TEAD1: variants seen among roughly 807,000 people sequenced by gnomAD.
The protein encoded by TEAD1 is transcriptional enhancer factor TEF-1.
TEAD1 carries 9 observed loss-of-function variants against 54.9 expected under a neutral mutation model. The ratio of observed to expected loss-of-function variants is 0.16; its 90% CI spans 0.10 to 0.29. TEAD1 has a LOEUF of 0.29. Ranked by LOEUF, TEAD1 falls within the 10% of genes least tolerant of loss-of-function variation. The pLI, the probability that TEAD1 is intolerant of heterozygous loss-of-function variation, is 1.00. For synonymous variants in TEAD1, 200 were observed against 187.8 expected (o/e 1.07, Z -0.53); for missense variants, 387 against 535.9 (o/e 0.72, Z 2.74).
chr11:12,912,675 T>C (rs112618574), intron 10 of TEAD1, among the ~76,000 whole-genome samples: 5 of 152,272 alleles, frequency 3.3e-5, no homozygotes, highest in African/African-American at 1.2e-4. Flanking sequence ...CAGGATAGGA[T>C]AGCTTGGAAA....
chr11:12,924,086 G>C (rs369297803), intron 10 of TEAD1, among the ~76,000 whole-genome samples: 1 of 152,092 alleles, frequency 6.6e-6, no homozygotes, highest in South Asian at 2.1e-4. Context: ...CCCATAACCT[G>C]TGCCCAAGTT....
chr11:12,692,264 A>G (rs1387588824), intron 2 of TEAD1, among the ~76,000 whole-genome samples: 1 of 152,220 alleles, frequency 6.6e-6, no homozygotes, highest in Admixed American at 6.5e-5. Flanking sequence ...CTCATTTTAA[A>G]GACACGCTCT....
At chr11:12,911,655 A>T in intron 10 of TEAD1, among the ~76,000 whole-genome samples, 1 of 151,740 alleles carries the variant, frequency 6.6e-6, no homozygotes, top group East Asian at 1.9e-4. Context: ...GTTAAATTTT[A>T]AGTAGACTGT....
At chr11:12,807,117 C>T (rs1252378542) in intron 3 of TEAD1, among the ~76,000 whole-genome samples, 1 of 152,180 alleles carries the variant, frequency 6.6e-6, no homozygotes, top group Non-Finnish European at 1.5e-5. Flanking sequence ...ACAATAAAAT[C>T]CCCAAATGTG....
In TEAD1 at chr11:12,937,141, A is replaced by G. The variant is rs200380673; in HGVS notation, c.1200A>G (p.Leu400=). The stretch of plus-strand genomic sequence containing the variant: ...CAAACAGGGATACACAAGAAACTCT[A>G]CTCTGCATGGCCTGTGTGTTTGAAG... Residue 400 remains leucine (L), a synonymous_variant, in exon 13 of 13, where the codon CTA becomes CTG. Coordinates refer to ENST00000527636, the MANE Select transcript of TEAD1 (RefSeq NM_021961.6). 6.8e-6 allele frequency: 11 copies of G among 1,613,758 alleles called. No individual in the cohort carries two copies. Among genetic ancestry groups the G allele is most frequent in the African/African-American group, 1.3e-5 (1 of 74,852 alleles).
At chr11:12,705,256 A>G (rs540538491) in intron 2 of TEAD1, among the ~76,000 whole-genome samples, 7 of 152,230 alleles carry the variant, frequency 4.6e-5, no homozygotes, top group Non-Finnish European at 7.3e-5. Context: ...CCAGACCACA[A>G]GCTTTTATCT....
At chr11:12,855,948 A>T (rs1209294752) in intron 3 of TEAD1, among the ~76,000 whole-genome samples, 4 of 65,272 alleles carry the variant, frequency 6.1e-5, no homozygotes, top group Admixed American at 4.0e-4. Flanking sequence ...ACCTTGTCTT[A>T]AAAAAAAAAA....
chr11:12,930,041 A>T, intron 11 of TEAD1, 133 bp from the exon 12 acceptor site: 1 of 945,250 alleles, frequency 1.1e-6, no homozygotes, highest in South Asian at 1.5e-5. Context: ...AATTAAGTAG[A>T]TTACGTAAGT....
intron 2 of TEAD1, among the ~76,000 whole-genome samples, chr11:12,676,586 C>T (rs2133804289): frequency 6.6e-6 from 1 of 152,250 alleles, no homozygotes; most frequent in East Asian, 1.9e-4. Flanking sequence ...AATCCAACTT[C>T]CTTAGGAATC....
intron 5 of TEAD1, among the ~76,000 whole-genome samples, chr11:12,869,455 A>G (rs1461046310): frequency 6.6e-6 from 1 of 152,222 alleles, no homozygotes; most frequent in African/African-American, 2.4e-5. Flanking sequence ...TTCTGTCCTT[A>G]TGAAGTCTGA....
chr11:12,902,552 AC>A (rs1340798458), intron 10 of TEAD1, among the ~76,000 whole-genome samples: 2 of 152,152 alleles, frequency 1.3e-5, no homozygotes, highest in African/African-American at 2.4e-5. Context: ...GAGCTTTGCC[AC>A]CCTTTGGCAC....
intron 2 of TEAD1, among the ~76,000 whole-genome samples, chr11:12,676,777 T>C (rs1943101828): frequency 6.6e-6 from 1 of 152,226 alleles, no homozygotes; most frequent in Admixed American, 6.5e-5. Context: ...TAGTGTTTCT[T>C]TGTGCAACTC....
intron 10 of TEAD1, among the ~76,000 whole-genome samples, chr11:12,912,818 C>G (rs764455945): frequency 1.3e-5 from 2 of 152,136 alleles, no homozygotes; most frequent in Non-Finnish European, 2.9e-5. Context: ...TGGGAGTTGC[C>G]TTGACCTGGA....
At chr11:12,763,322 G>T (rs1437624031) in intron 2 of TEAD1, among the ~76,000 whole-genome samples, 1 of 152,226 alleles carries the variant, frequency 6.6e-6, no homozygotes, top group Non-Finnish European at 1.5e-5. Flanking sequence ...TTCAGCATAG[G>T]CTATAAGACG....
chr11:12,799,192 CTCAG>C (rs1211876441), intron 3 of TEAD1, among the ~76,000 whole-genome samples: 8 of 152,224 alleles, frequency 5.3e-5, no homozygotes, highest in Non-Finnish European at 1.0e-4. Context: ...AGGCGTTTAT[CTCAG>C]TGTTTTACAA....
chr11:12,938,873 A>G lies in TEAD1; in HGVS notation c.*1651A>G, dbSNP rs1263088390. 2 of 152,252 alleles carry G rather than the reference A, an allele frequency of 1.3e-5. No homozygotes were observed. The highest frequency in any genetic ancestry group is 2.4e-5 in the African/African-American group (1 of 41,460). 9.4% of individuals were successfully genotyped at this position (152,252 alleles called of 1,614,324 possible). A position where few individuals can be genotyped will look rare whatever the true frequency, so the allele number is the denominator to read the frequency against. ...ACATGTGCACACAATAGAACATGAA[A>G]TAAGTTTTTTAACTTGTAAAACATG... On this transcript the variant is annotated 3_prime_UTR_variant, in exon 13 of 13. Coordinates refer to ENST00000527636, the MANE Select transcript of TEAD1 (RefSeq NM_021961.6).
chr11:12,854,376 C>A (rs926982904), intron 3 of TEAD1, among the ~76,000 whole-genome samples: 1 of 152,124 alleles, frequency 6.6e-6, no homozygotes, highest in Non-Finnish European at 1.5e-5. Context: ...ATGCTCTGGG[C>A]TCCTGTGGAC....
intron 2 of TEAD1, among the ~76,000 whole-genome samples, chr11:12,760,151 A>C (rs1225207700): frequency 6.6e-6 from 1 of 152,226 alleles, no homozygotes; most frequent in Non-Finnish European, 1.5e-5. Context: ...ATCCATCAGA[A>C]GGTACATAGC....
rs1052331229 is a variant in TEAD1 at position 12,939,530 on chromosome 11, G to A, written c.*2308G>A. 5 of 152,344 alleles carry A rather than the reference G, an allele frequency of 3.3e-5. No individual in the cohort carries two copies. The highest frequency in any genetic ancestry group is 1.2e-4 in the African/African-American group (5 of 41,564). 9.4% of individuals were successfully genotyped at this position (152,344 alleles called of 1,614,324 possible). A position where few individuals can be genotyped will look rare whatever the true frequency, so the allele number is the denominator to read the frequency against. The stretch of plus-strand genomic sequence containing the variant: ...TCCTTTCCAAAGCACAAAAATACTG[G>A]GACCCAAGAAGAACAGCTAGAGGAC... On this transcript the variant is annotated 3_prime_UTR_variant, in exon 13 of 13. Coordinates refer to ENST00000527636, the MANE Select transcript of TEAD1 (RefSeq NM_021961.6).
Sources: gnomAD v4.1 joint callset for allele counts (sites outside exome capture counted in the v4.1 genomes callset) on GRCh38, gnomAD v4.1.1 for gene constraint, MANE v1.5 for transcripts, NCBI Gene and HGNC (gene_info 2026-07-23, HGNC 2026-07-21) for gene names.